SELENOI: variants seen among roughly 807,000 people sequenced by gnomAD.
SELENOI encodes the protein ethanolaminephosphotransferase 1.
SELENOI carries 24 observed loss-of-function variants against 50.7 expected under a neutral mutation model. That is an observed-to-expected ratio of 0.47 (90% CI 0.34 to 0.67). The LOEUF is 0.67. Among genes scored for constraint, SELENOI ranks in the 30% least tolerant of loss-of-function variants. SELENOI has a pLI of 0.01. For synonymous variants in SELENOI, 155 were observed against 170.2 expected (o/e 0.91, Z 0.70); for missense variants, 352 against 461.4 (o/e 0.76, Z 2.17).
intron 1 of SELENOI, among the ~76,000 whole-genome samples, chr2:26,363,067 G>A (rs1438896419): frequency 1.3e-5 from 2 of 152,150 alleles, no homozygotes; most frequent in Non-Finnish European, 2.9e-5. Context: ...TGGGGAATAA[G>A]CTCCCTTACC....
chr2:26,386,795 C>T (rs192400083), intron 9 of SELENOI, among the ~76,000 whole-genome samples: 5 of 152,248 alleles, frequency 3.3e-5, no homozygotes, highest in Admixed American at 1.3e-4. Flanking sequence ...TTAGTTATTA[C>T]TGTAAGTGGG....
rs979190622 is a variant in SELENOI, at chr2:26,348,996, C to G, written c.57+2707C>G. Among the ~76,000 whole-genome samples the G allele has an allele frequency of 1.2e-4, 7 of 57,722 alleles. 1 individual carries two copies. The highest frequency in any genetic ancestry group is 2.2e-4 in the Non-Finnish European group (6 of 27,880). 37.9% of individuals were successfully genotyped at this position (57,722 alleles called of 152,430 possible). A position where few individuals can be genotyped will look rare whatever the true frequency, so the allele number is the denominator to read the frequency against. ...CTACCCATCCTTTGTTTTGGACAGG[C>G]TTTTTTTTTTTTTTTTTTTTTTTTT... On this transcript the variant is annotated intron_variant, in intron 1 of 9. Coordinates refer to ENST00000260585, the MANE Select transcript of SELENOI (RefSeq NM_033505.4).
rs542954561 is a variant in SELENOI, at chr2:26,375,747, G to T, written c.682+599G>T. Among the ~76,000 whole-genome samples the T allele has an allele frequency of 2.2e-3, 338 of 152,170 alleles. 1 individual carries two copies. Among genetic ancestry groups the T allele is most frequent in the Middle Eastern group, 3.4e-3 (1 of 294 alleles). On this transcript the variant is annotated intron_variant, in intron 6 of 9. Coordinates refer to ENST00000260585, the MANE Select transcript of SELENOI (RefSeq NM_033505.4). ...TGGTTATTTAGGGGCCCCAGGAGTG[G>T]CACTGAGAACCTTTGTAGAAGTAAA...
Position 26,389,174 on chromosome 2 carries a change from C to G in SELENOI, c.*71C>G. 8.9e-7 allele frequency: 1 copy of G among 1,129,612 alleles called. No individual in the cohort carries two copies. The highest frequency in any genetic ancestry group is 1.3e-6 in the Non-Finnish European group (1 of 767,300). The allele number at this position is 1,129,612 out of a possible 1,614,324, so 70.0% of individuals were successfully genotyped here. A position where few individuals can be genotyped will look rare whatever the true frequency, so the allele number is the denominator to read the frequency against. On this transcript the variant is annotated 3_prime_UTR_variant, in exon 10 of 10. Transcript: ENST00000260585. ...AAATATTTCCTCCATCACCATTGAA[C>G]TAGACTGATCTGCTTGACAGACGTG...
intron 1 of SELENOI, among the ~76,000 whole-genome samples, chr2:26,356,665 A>T (rs548304703): frequency 8.5e-5 from 13 of 152,302 alleles, no homozygotes; most frequent in Admixed American, 3.9e-4. Context: ...AATAGTTTCT[A>T]ACTGGTCTCT....
intron 1 of SELENOI, among the ~76,000 whole-genome samples, chr2:26,348,223 G>A (rs543131376): frequency 9.5e-4 from 145 of 152,212 alleles, no homozygotes; most frequent in African/African-American, 3.2e-3. Context: ...GATAGTAAGC[G>A]CTTTATAAAT....
At chr2:26,348,045 C>T (rs1377430437) in intron 1 of SELENOI, among the ~76,000 whole-genome samples, 1 of 152,174 alleles carries the variant, frequency 6.6e-6, no homozygotes, top group Non-Finnish European at 1.5e-5. Flanking sequence ...AAAAAGCACA[C>T]ATTTATAACC....
intron 8 of SELENOI, among the ~76,000 whole-genome samples, chr2:26,386,061 AG>A (rs1368816725): frequency 6.6e-6 from 1 of 151,876 alleles, no homozygotes. Flanking sequence ...TAAAATTGAG[AG>A]AAATTTCTTT....
intron 4 of SELENOI, among the ~76,000 whole-genome samples, chr2:26,372,613 A>G (rs1677481853): frequency 6.6e-6 from 1 of 152,242 alleles, no homozygotes; most frequent in Non-Finnish European, 1.5e-5. Flanking sequence ...TTCAAACAGG[A>G]TAGAATAGAT....
chr2:26,352,750 C>CTCCT (rs1334766456), intron 1 of SELENOI, among the ~76,000 whole-genome samples: 22 of 151,456 alleles, frequency 1.5e-4, no homozygotes, highest in African/African-American at 5.3e-4. Flanking sequence ...TGCCACTGCA[C>CTCCT]TCCAGCATGG....
intron 1 of SELENOI, among the ~76,000 whole-genome samples, chr2:26,349,178 G>A (rs1429429952): frequency 6.6e-6 from 1 of 150,944 alleles, no homozygotes; most frequent in Non-Finnish European, 1.5e-5. Context: ...ACCTCACCTG[G>A]CTAACTTTGT....
intron 1 of SELENOI, among the ~76,000 whole-genome samples, chr2:26,353,476 CAATAT>C (rs990648546): frequency 7.9e-5 from 12 of 152,182 alleles, no homozygotes; most frequent in African/African-American, 2.9e-4. Context: ...GACTACAATA[CAATAT>C]GTTAATTATG....
intron 7 of SELENOI, among the ~76,000 whole-genome samples, chr2:26,384,348 A>C (rs7565956): frequency 0.025 from 3,851 of 152,296 alleles, 126 homozygotes; most frequent in African/African-American, 0.08. Context: ...TTCTCATTTT[A>C]TAACAACGAG....
chr2:26,371,386 G>T (rs1184194141), intron 4 of SELENOI, among the ~76,000 whole-genome samples: 1 of 151,408 alleles, frequency 6.6e-6, no homozygotes, highest in Non-Finnish European at 1.5e-5. Context: ...ATGGGCAGCC[G>T]GGCAGAGACG....
At position 26,367,170 on chromosome 2, in the gene SELENOI, A is replaced by G; in HGVS notation, c.260A>G (p.Asp87Gly). 6.2e-7 allele frequency: 1 copy of G among 1,611,066 alleles called. No homozygotes were observed. ...GCACCAGGTCACAAGCACGTGCCTGACTGGGTTTGGATTGTAGTGGGCATC... is the reference window on the plus strand; with the variant it reads ...GCACCAGGTCACAAGCACGTGCCTGGCTGGGTTTGGATTGTAGTGGGCATC... Reference protein sequence around the residue: ...ASAPGHKHVPDWVWIVVGILN... With the variant: ...ASAPGHKHVPGWVWIVVGILN... Residue 87 changes from aspartate to glycine, a missense_variant, in exon 4 of 10, where the codon GAC (aspartate) becomes GGC (glycine). By Grantham distance (94) the Asp-to-Gly change is moderately conservative (BLOSUM62 -1). Coordinates refer to ENST00000260585, the MANE Select transcript of SELENOI (RefSeq NM_033505.4).
intron 6 of SELENOI, among the ~76,000 whole-genome samples, chr2:26,381,721 C>G (rs1418740807): frequency 2.6e-5 from 4 of 152,140 alleles, no homozygotes; most frequent in Non-Finnish European, 4.4e-5. Flanking sequence ...CCTTCCTTTC[C>G]CTCTAAGTTC....
At chr2:26,380,115 T>G (rs1261230875) in intron 6 of SELENOI, among the ~76,000 whole-genome samples, 1 of 152,248 alleles carries the variant, frequency 6.6e-6, no homozygotes, top group African/African-American at 2.4e-5. Context: ...CTTTAAGAAT[T>G]ACTTTCTCTT....
chr2:26,381,198 CTTTTTTTTTTTTTT>C (rs57102834), intron 6 of SELENOI, among the ~76,000 whole-genome samples: 11 of 30,188 alleles, frequency 3.6e-4, no homozygotes, highest in East Asian at 3.2e-3. Flanking sequence ...TCAGTTTGGT[CTTTTTTTTTTTTTT>C]TTTTTTTTTT....
chr2:26,374,309 A>C (rs1244927036), intron 5 of SELENOI, among the ~76,000 whole-genome samples: 3 of 151,994 alleles, frequency 2.0e-5, no homozygotes, highest in Non-Finnish European at 4.4e-5. Flanking sequence ...CTTTTTTCTT[A>C]CTTTAATGGC....
Sources: allele counts gnomAD v4.1 joint callset (sites outside exome capture counted in the v4.1 genomes callset), GRCh38; gene constraint gnomAD v4.1.1; transcripts MANE v1.5; gene names NCBI Gene and HGNC (gene_info 2026-07-23, HGNC 2026-07-21).